Variants in IL1R1 observed in about 807,000 individuals in gnomAD.
The protein encoded by IL1R1 is interleukin-1 receptor type 1.
In IL1R1, 22 loss-of-function variants were observed where a neutral mutation model predicts 50.2. The ratio of observed to expected loss-of-function variants is 0.44; its 90% CI spans 0.31 to 0.63. IL1R1 has a LOEUF of 0.63. IL1R1 is among the 20% of genes least tolerant of loss of function. IL1R1 has a pLI of 0.07. For synonymous variants in IL1R1, 251 were observed against 236.7 expected (o/e 1.06, Z -0.55); for missense variants, 509 against 676.2 (o/e 0.75, Z 2.74).
At chr2:102,149,374 TG>T (rs1296414051) in intron 1 of IL1R1, among the ~76,000 whole-genome samples, 1 of 152,206 alleles carries the variant, frequency 6.6e-6, no homozygotes, top group African/African-American at 2.4e-5. Flanking sequence ...ATTTGGGGCT[TG>T]GCTATGTCAG....
intron 1 of IL1R1, among the ~76,000 whole-genome samples, chr2:102,143,426 T>C (rs1341814432): frequency 1.3e-5 from 2 of 152,164 alleles, no homozygotes; most frequent in Admixed American, 6.5e-5. Flanking sequence ...GGAGGGTAAC[T>C]TGTTGCCCCT....
chr2:102,160,534 T>C (rs1389284036), intron 3 of IL1R1, among the ~76,000 whole-genome samples: 1 of 152,112 alleles, frequency 6.6e-6, no homozygotes, highest in African/African-American at 2.4e-5. Flanking sequence ...TTCCTAGGTG[T>C]GTTGTGGACA....
intron 6 of IL1R1, among the ~76,000 whole-genome samples, chr2:102,166,979 A>G (rs3917341): frequency 1.3e-3 from 193 of 152,340 alleles, no homozygotes; most frequent in Middle Eastern, 3.4e-3. Flanking sequence ...ATGAAACAAA[A>G]TGCACAAATT....
At chr2:102,166,573 C>G (rs1199503407) in intron 6 of IL1R1, among the ~76,000 whole-genome samples, 1 of 152,118 alleles carries the variant, frequency 6.6e-6, no homozygotes, top group African/African-American at 2.4e-5. Flanking sequence ...ACTGAAAGCT[C>G]TGGGGCTCCC....
At chr2:102,104,211 G>C (rs1680279474), upstream of IL1R1, among the ~76,000 whole-genome samples, 1 of 152,032 alleles carries the variant, frequency 6.6e-6, no homozygotes, top group South Asian at 2.1e-4. Flanking sequence ...CCAGCATCTG[G>C]GACACGAGCA....
At position 102,179,473 on chromosome 2, in the gene IL1R1, A is replaced by G. The variant is rs1686406180; in HGVS notation, c.*2714A>G. 1 of 152,556 alleles carries G rather than the reference A, an allele frequency of 6.6e-6. No homozygotes were observed. Among genetic ancestry groups the G allele is most frequent in the South Asian group, 2.1e-4 (1 of 4,834 alleles). 9.5% of individuals were successfully genotyped at this position (152,556 alleles called of 1,614,324 possible). On this transcript the variant is annotated 3_prime_UTR_variant, in exon 12 of 12. Coordinates refer to ENST00000410023, the MANE Select transcript of IL1R1 (RefSeq NM_000877.4). ...CTTCCTTTGACTTATTGTCCCCACT[A>G]AAACAAAACAAAAAACTTTTAATGC...
chr2:102,099,550 G>T (rs1410729327), intron 1 of IL1R1, among the ~76,000 whole-genome samples: 2 of 152,096 alleles, frequency 1.3e-5, no homozygotes, highest in Admixed American at 6.6e-5. Context: ...TTAGTCTAAG[G>T]GCCTGTGGGA....
intron 1 of IL1R1, among the ~76,000 whole-genome samples, chr2:102,133,901 C>CAAAAA (rs10566008): frequency 4.9e-5 from 7 of 141,534 alleles, no homozygotes; most frequent in Admixed American, 1.4e-4. Context: ...CTAGCTGGTG[C>CAAAAA]AAAAAAAAAA....
Position 102,135,629 on chromosome 2 carries a change from A to T in IL1R1, c.-83-18312A>T, listed in dbSNP as rs533393839. Among the ~76,000 whole-genome samples, 26 of 152,310 alleles carry T rather than the reference A, an allele frequency of 1.7e-4. 1 individual carries two copies. Among genetic ancestry groups the T allele is most frequent in the Middle Eastern group, 3.4e-3 (1 of 294 alleles). ...AAAGGAAAGAGGAAGAGTGTGAAGA[A>T]GATTCTTGCTCGAGTACGGATTTAA... On this transcript the variant is annotated intron_variant, in intron 1 of 10. Coordinates refer to the IL1R1 transcript ENST00000409329.
intron 5 of IL1R1, 60 bp downstream of exon 5, chr2:102,165,364 A>G: frequency 1.1e-6 from 1 of 899,520 alleles, no homozygotes; most frequent in Non-Finnish European, 1.6e-6. Context: ...TTCCCTGGAC[A>G]ATAGAATGTA....
chr2:102,152,748 G>A (rs1161591701), intron 1 of IL1R1, among the ~76,000 whole-genome samples: 2 of 152,016 alleles, frequency 1.3e-5, no homozygotes, highest in East Asian at 1.9e-4. Flanking sequence ...GGGAGGATGT[G>A]GGGGTCTCCC....
chr2:102,096,237 A>G (rs956573185), intron 1 of IL1R1, among the ~76,000 whole-genome samples: 10 of 152,088 alleles, frequency 6.6e-5, no homozygotes, highest in Admixed American at 3.3e-4. Flanking sequence ...GTGTTCCTCT[A>G]CTCGCCTCAT....
intron 1 of IL1R1, among the ~76,000 whole-genome samples, chr2:102,096,311 T>C (rs186191910): frequency 1.3e-5 from 2 of 152,344 alleles, no homozygotes; most frequent in African/African-American, 4.8e-5. Flanking sequence ...AGGCACGTGT[T>C]CAAACTGTTT....
chr2:102,127,055 A>G (rs1681751157), intron 1 of IL1R1, among the ~76,000 whole-genome samples: 1 of 152,224 alleles, frequency 6.6e-6, no homozygotes, highest in South Asian at 2.1e-4. Flanking sequence ...CATCCTGGAG[A>G]TGGTTGACTG....
chr2:102,081,706 G>A (rs1679215463), intron 1 of IL1R1, among the ~76,000 whole-genome samples: 1 of 152,210 alleles, frequency 6.6e-6, no homozygotes, highest in Non-Finnish European at 1.5e-5. Flanking sequence ...ATTCTCATCT[G>A]AATATCAGAG....
At chr2:102,072,043 A>G (rs1678744895) in intron 1 of IL1R1, among the ~76,000 whole-genome samples, 1 of 151,992 alleles carries the variant, frequency 6.6e-6, no homozygotes, top group Non-Finnish European at 1.5e-5. Flanking sequence ...GAATCAGCTG[A>G]GGTCAGGAGT....
intron 1 of IL1R1, among the ~76,000 whole-genome samples, chr2:102,114,936 C>A (rs1311456169): frequency 6.6e-6 from 1 of 152,152 alleles, no homozygotes; most frequent in African/African-American, 2.4e-5. Context: ...TGGCTGGGCC[C>A]CAGTCTGCCA....
chr2:102,093,494 C>G (rs887145035), intron 1 of IL1R1, among the ~76,000 whole-genome samples: 4 of 152,156 alleles, frequency 2.6e-5, no homozygotes, highest in African/African-American at 9.7e-5. Context: ...CACATCCTCC[C>G]TTGCACTTGG....
intron 11 of IL1R1, 146 bp from the exon 12 acceptor site, chr2:102,176,207 A>C: frequency 3.1e-6 from 2 of 653,166 alleles, no homozygotes; most frequent in South Asian, 4.2e-5. Context: ...TTAATTAAAA[A>C]CATGGGAAAC....
Sources: gnomAD v4.1 joint callset for allele counts (sites outside exome capture counted in the v4.1 genomes callset) on GRCh38, gnomAD v4.1.1 for gene constraint, MANE v1.5 for transcripts, NCBI Gene and HGNC (gene_info 2026-07-23, HGNC 2026-07-21) for gene names.